Variants in PRKD1 observed in about 807,000 individuals in gnomAD.
PRKD1 encodes the protein serine/threonine-protein kinase D1.
A neutral mutation model predicts 95.9 loss-of-function variants in PRKD1; 63 were observed. That is an observed-to-expected ratio of 0.66 (90% CI 0.54 to 0.81). The LOEUF (loss-of-function observed/expected upper bound fraction) is 0.81, where lower values mean the gene tolerates loss of function less well. Ranked by LOEUF, PRKD1 falls within the 30% of genes least tolerant of loss-of-function variation. The pLI is 0.00. For synonymous variants in PRKD1, 425 were observed against 423.1 expected (o/e 1.00, Z -0.05); for missense variants, 1,048 against 1,165.3 (o/e 0.90, Z 1.47).
chr14:29,843,737 A>T (rs570288875), intron 1 of PRKD1, among the ~76,000 whole-genome samples: 1 of 152,356 alleles, frequency 6.6e-6, no homozygotes, highest in South Asian at 2.1e-4. Context: ...ACTCTGGTGC[A>T]GAGTAACACA....
chr14:29,843,418 G>A (rs1209117166), intron 1 of PRKD1, among the ~76,000 whole-genome samples: 1 of 151,982 alleles, frequency 6.6e-6, no homozygotes, highest in Non-Finnish European at 1.5e-5. Flanking sequence ...ATAAGTGCAA[G>A]GTATAAACTA....
At position 29,625,762 on chromosome 14, in the gene PRKD1, T is replaced by C. The variant is rs190316706; in HGVS notation, c.1798+722A>G. ...AATTAAAAAGTACAATATCATATAG[T>C]GATAAATAAAATTGAATGGGACATT... On this transcript the variant is annotated intron_variant, in intron 12 of 17. Coordinates refer to ENST00000331968, the MANE Select transcript of PRKD1 (RefSeq NM_002742.3). Among the ~76,000 whole-genome samples the C allele has an allele frequency of 2.2e-3, 330 of 152,188 alleles. 1 individual carries two copies. Among genetic ancestry groups the C allele is most frequent in the Middle Eastern group, 6.9e-3 (2 of 290 alleles).
At chr14:29,849,577 CAA>C (rs368009160) in intron 1 of PRKD1, among the ~76,000 whole-genome samples, 4 of 139,656 alleles carry the variant, frequency 2.9e-5, no homozygotes, top group Non-Finnish European at 3.1e-5. Flanking sequence ...ACAACAACAA[CAA>C]AAAAAAAACT....
At chr14:29,821,363 G>C (rs1245997932) in intron 1 of PRKD1, among the ~76,000 whole-genome samples, 1 of 152,112 alleles carries the variant, frequency 6.6e-6, no homozygotes, top group East Asian at 1.9e-4. Flanking sequence ...TTGGTATGTG[G>C]GTTAGGTACT....
intron 13 of PRKD1, among the ~76,000 whole-genome samples, chr14:29,620,387 C>G (rs1310818099): frequency 6.7e-6 from 1 of 149,434 alleles, no homozygotes; most frequent in Admixed American, 6.7e-5. Context: ...AGTGAACAGG[C>G]AACCTACAAA....
In PRKD1 at chr14:29,578,358, T is replaced by C. The variant is rs765860856; in HGVS notation, c.2437A>G (p.Ile813Val). Residue 813 changes from isoleucine to valine, a missense_variant and splice_region_variant, in exon 17 of 18, where the codon ATT (isoleucine) becomes GTT (valine). Transcript: ENST00000331968. ...NPWKEISHEA[I>V]DLINNLLQVK... Reference sequence around the variant, plus strand: ...TGCAGCAAATTGTTGATAAGATCAATGGCTGAAAAAAATTACCAGTAAAAA... The same window carrying C: ...TGCAGCAAATTGTTGATAAGATCAACGGCTGAAAAAAATTACCAGTAAAAA... The C allele has an allele frequency of 1.2e-6, 2 of 1,606,906 alleles. No individual in the cohort carries two copies. Among genetic ancestry groups the C allele is most frequent in the East Asian group, 4.5e-5 (2 of 44,692 alleles).
intron 2 of PRKD1, among the ~76,000 whole-genome samples, chr14:29,709,819 A>G (rs751710954): frequency 6.6e-6 from 1 of 152,156 alleles, no homozygotes; most frequent in African/African-American, 2.4e-5. Context: ...ACTTTATTCC[A>G]TCTACCAATA....
chr14:29,835,277 T>G (rs1447227656), intron 1 of PRKD1, among the ~76,000 whole-genome samples: 1 of 152,240 alleles, frequency 6.6e-6, no homozygotes, highest in African/African-American at 2.4e-5. Context: ...AATAATAATT[T>G]GCATCTCACA....
chr14:29,718,592 T>A (rs1332417788), intron 2 of PRKD1, among the ~76,000 whole-genome samples: 2 of 152,158 alleles, frequency 1.3e-5, no homozygotes, highest in Non-Finnish European at 2.9e-5. Context: ...AAGCCATACT[T>A]GGGAGAAAAG....
At chr14:29,733,671 A>G (rs577125459) in intron 1 of PRKD1, among the ~76,000 whole-genome samples, 1 of 152,206 alleles carries the variant, frequency 6.6e-6, no homozygotes, top group South Asian at 2.1e-4. Context: ...ATTAGATCTC[A>G]TAAGAACTCA....
intron 16 of PRKD1, among the ~76,000 whole-genome samples, chr14:29,586,138 G>A (rs763659577): frequency 3.3e-5 from 5 of 152,140 alleles, no homozygotes; most frequent in Non-Finnish European, 5.9e-5. Context: ...CATTGATAGT[G>A]GTTAAAAACT....
chr14:29,732,915 T>G (rs911393092), intron 1 of PRKD1, among the ~76,000 whole-genome samples: 1 of 96,356 alleles, frequency 1.0e-5, no homozygotes, highest in Non-Finnish European at 2.4e-5. Flanking sequence ...CTTGAAGTGT[T>G]TTTTTTTTTT....
intron 1 of PRKD1, among the ~76,000 whole-genome samples, chr14:29,874,879 G>A (rs1893232416): frequency 6.6e-6 from 1 of 152,076 alleles, no homozygotes; most frequent in Non-Finnish European, 1.5e-5. Context: ...GAGGGTTTGT[G>A]GTTGGGTGTA....
Position 29,744,841 on chromosome 14 carries a change from T to C in PRKD1, c.265-19167A>G, listed in dbSNP as rs562435545. On this transcript the variant is annotated intron_variant, in intron 1 of 17. Transcript: ENST00000331968. Reference sequence around the variant, plus strand: ...GAATTACAGGCATAGCCACTGTGCCTGGCATGGAGTCATTCTTCTAAACAT... The same window carrying C: ...GAATTACAGGCATAGCCACTGTGCCCGGCATGGAGTCATTCTTCTAAACAT... Among the ~76,000 whole-genome samples, 5 of 152,290 alleles carry C rather than the reference T, an allele frequency of 3.3e-5. No homozygotes were observed. The East Asian group carries it at 9.7e-4, about 29-fold the overall frequency.
chr14:29,736,195 G>GA (rs1471432537), intron 1 of PRKD1, among the ~76,000 whole-genome samples: 1 of 152,188 alleles, frequency 6.6e-6, no homozygotes, highest in African/African-American at 2.4e-5. Context: ...AGCAGAAGCT[G>GA]AAGGTTTACA....
At chr14:29,585,586 C>G (rs1892894060) in intron 16 of PRKD1, among the ~76,000 whole-genome samples, 1 of 152,132 alleles carries the variant, frequency 6.6e-6, no homozygotes, top group Non-Finnish European at 1.5e-5. Context: ...TTATTCTGAT[C>G]ATGTTCATAC....
chr14:29,601,544 TCACCTCCCAC>T (rs2139019738), intron 13 of PRKD1, among the ~76,000 whole-genome samples: 1 of 94,032 alleles, frequency 1.1e-5, no homozygotes, highest in Non-Finnish European at 2.4e-5. Flanking sequence ...CGAATAGACC[TCACCTCCCAC>T]GTTGCTCTCT....
At chr14:29,696,267 T>C (rs1283814846) in intron 2 of PRKD1, among the ~76,000 whole-genome samples, 2 of 152,206 alleles carry the variant, frequency 1.3e-5, no homozygotes, top group African/African-American at 4.8e-5. Context: ...TATGTGCATA[T>C]GTACTAAGTT....
At chr14:29,643,787 CAT>C (rs1305842042) in intron 4 of PRKD1, among the ~76,000 whole-genome samples, 1 of 152,126 alleles carries the variant, frequency 6.6e-6, no homozygotes, top group African/African-American at 2.4e-5. Context: ...AAAAATCAAA[CAT>C]AAAATTCTCT....
Sources: gnomAD v4.1 joint callset for allele counts (sites outside exome capture counted in the v4.1 genomes callset) on GRCh38, gnomAD v4.1.1 for gene constraint, MANE v1.5 for transcripts, NCBI Gene and HGNC (gene_info 2026-07-23, HGNC 2026-07-21) for gene names.